The following SGF29 variants were observed in gnomAD, a reference collection of about 807,000 sequenced individuals.
The protein encoded by SGF29 is SAGA-associated factor 29.
Under a neutral mutation model 38.1 loss-of-function variants are expected in SGF29, and 15 were observed. The observed-to-expected ratio is 0.39, with a 90% CI of 0.26 to 0.61. SGF29 has a LOEUF of 0.61. SGF29 is among the 20% of genes least tolerant of loss of function. The pLI is 0.49. For synonymous variants in SGF29, 151 were observed against 160.8 expected (o/e 0.94, Z 0.46); for missense variants, 184 against 394.6 (o/e 0.47, Z 4.52).
chr16:28,569,829 G>T (rs1226950859), intron 1 of SGF29, among the ~76,000 whole-genome samples: 1 of 152,168 alleles, frequency 6.6e-6, no homozygotes, highest in Non-Finnish European at 1.5e-5. Flanking sequence ...AAGGCCCAGG[G>T]TGTTGGGGGC....
Position 28,586,871 on chromosome 16 carries a change from A to G in SGF29, c.224+1151A>G, listed in dbSNP as rs578192330. ...CATTGTGTGATTGATCGATTAAGAC[A>G]GGGTCTCAGTCTGTCATCCAGGCTG... is the stretch of plus-strand genomic sequence containing the variant. On this transcript the variant is annotated intron_variant, in intron 4 of 9. Transcript: ENST00000317058. Among the ~76,000 whole-genome samples the G allele has an allele frequency of 3.3e-5, 5 of 152,290 alleles. No homozygotes were observed. In the East Asian group the frequency reaches 9.6e-4, roughly 29 times the overall value.
rs1410573530 is a variant in SGF29, at chr16:28,584,915, A to G, written c.78A>G (p.Glu26=). ...ELHQLIKQTQ[E]ERSRSEHNLV... ...TCCTGCTGCTCTTTTCCTTACAGGAAGAGCGTTCGCGGAGCGAACACAACT... is the reference window on the plus strand; with the variant it reads ...TCCTGCTGCTCTTTTCCTTACAGGAGGAGCGTTCGCGGAGCGAACACAACT... The change falls in exon 3 of 10, where the codon GAA becomes GAG. Residue 26 remains glutamate (E), a splice_region_variant and synonymous_variant. Coordinates refer to ENST00000317058, the MANE Select transcript of SGF29 (RefSeq NM_138414.3). 3 of 1,613,054 alleles carry G rather than the reference A, an allele frequency of 1.9e-6. No homozygotes were observed. In the South Asian group the frequency reaches 3.3e-5, roughly 18 times the overall value.
chr16:28,585,743 A>G (rs1361578336), intron 4 of SGF29, 23 bp downstream of exon 4: 1 of 1,610,018 alleles, frequency 6.2e-7, no homozygotes, highest in African/African-American at 1.3e-5. Flanking sequence ...CACCCACTTC[A>G]TCGCCGCTCC....
rs1050061735 is a variant in SGF29, at chr16:28,569,019, C to G, written c.-15-12036C>G. ...AGGAGAATCGCTTGAACCTGGGAGGCGAAGTTTGCAGTGAGCCGAGATCAC... is the reference window on the plus strand; with the variant it reads ...AGGAGAATCGCTTGAACCTGGGAGGGGAAGTTTGCAGTGAGCCGAGATCAC... On this transcript the variant is annotated intron_variant, in intron 1 of 9. Transcript: ENST00000317058. Among the ~76,000 whole-genome samples the G allele has an allele frequency of 1.2e-4, 18 of 150,564 alleles. No individual in the cohort carries two copies. In the South Asian group the frequency reaches 3.8e-3, roughly 32 times the overall value.
intron 1 of SGF29, among the ~76,000 whole-genome samples, chr16:28,576,263 G>A (rs1337334221): frequency 1.3e-5 from 2 of 152,184 alleles, no homozygotes; most frequent in Non-Finnish European, 2.9e-5. Flanking sequence ...GGGGAGGGTA[G>A]GAGGAGGGAG....
chr16:28,579,257 C>CTTTTT (rs570774951), intron 1 of SGF29, among the ~76,000 whole-genome samples: 1 of 134,822 alleles, frequency 7.4e-6, no homozygotes, highest in African/African-American at 2.7e-5. Flanking sequence ...TTCTAATTAT[C>CTTTTT]TTTTTTTTTT....
chr16:28,579,349 C>G (rs1265633233), intron 1 of SGF29, among the ~76,000 whole-genome samples: 3 of 150,568 alleles, frequency 2.0e-5, no homozygotes, highest in South Asian at 2.1e-4. Context: ...CCTCCATCTC[C>G]CGGGTTCAAG....
chr16:28,560,476 C>A (rs2046779881), intron 1 of SGF29, among the ~76,000 whole-genome samples: 1 of 150,730 alleles, frequency 6.6e-6, no homozygotes. Context: ...GTAATCCCAG[C>A]TACTCAGGAA....
chr16:28,580,842 G>A (rs1251608844), intron 1 of SGF29, among the ~76,000 whole-genome samples: 6 of 152,174 alleles, frequency 3.9e-5, no homozygotes, highest in East Asian at 1.9e-4. Flanking sequence ...CCACTATGCC[G>A]GGCTAAGTTT....
chr16:28,557,775 G>A (rs1467609402), intron 1 of SGF29, among the ~76,000 whole-genome samples: 2 of 152,094 alleles, frequency 1.3e-5, no homozygotes, highest in African/African-American at 2.4e-5. Context: ...TTGGTGTTGG[G>A]GAGAAATCTC....
At chr16:28,584,046 A>T (rs1190674762) in intron 2 of SGF29, among the ~76,000 whole-genome samples, 1 of 149,822 alleles carries the variant, frequency 6.7e-6, no homozygotes, top group East Asian at 1.9e-4. Context: ...TTTTTTTTTA[A>T]CAGTCTCACT....
chr16:28,587,457 G>A (rs1388701731), intron 4 of SGF29, among the ~76,000 whole-genome samples: 6 of 152,140 alleles, frequency 3.9e-5, no homozygotes, highest in Admixed American at 1.3e-4. Flanking sequence ...CTGGGGTCCC[G>A]GTGCTCACAG....
intron 9 of SGF29, 125 bp downstream of exon 9, chr16:28,591,060 C>A (rs372109536): frequency 1.7e-6 from 2 of 1,204,946 alleles, no homozygotes; most frequent in East Asian, 2.6e-5. Context: ...TGACAGGACC[C>A]ACCAGCTGCC....
intron 1 of SGF29, among the ~76,000 whole-genome samples, chr16:28,578,725 G>A (rs543918667): frequency 6.7e-6 from 1 of 149,376 alleles, no homozygotes; most frequent in Non-Finnish European, 1.5e-5. Flanking sequence ...GGTGGATCAC[G>A]AGGTCAGGAG....
At chr16:28,562,985 A>T (rs1213882054) in intron 1 of SGF29, among the ~76,000 whole-genome samples, 2 of 151,744 alleles carry the variant, frequency 1.3e-5, no homozygotes, top group African/African-American at 4.8e-5. Context: ...TCTTCCACAC[A>T]TAGAAAGCAG....
At chr16:28,574,380 G>T (rs977128848) in intron 1 of SGF29, among the ~76,000 whole-genome samples, 2 of 152,204 alleles carry the variant, frequency 1.3e-5, no homozygotes, top group African/African-American at 2.4e-5. Flanking sequence ...GAAGTTGTAC[G>T]GATGCCCATC....
intron 1 of SGF29, among the ~76,000 whole-genome samples, chr16:28,572,007 T>A (rs917117436): frequency 6.6e-6 from 1 of 152,080 alleles, no homozygotes; most frequent in African/African-American, 2.4e-5. Flanking sequence ...TGAGACGGAG[T>A]CTCGCACTGT....
chr16:28,560,492 G>A (rs1250947632), intron 1 of SGF29, among the ~76,000 whole-genome samples: 2 of 151,262 alleles, frequency 1.3e-5, no homozygotes, highest in African/African-American at 4.9e-5. Context: ...AGGAAGCTGA[G>A]GCAGGAGAAT....
chr16:28,563,974 T>A (rs1222209397), intron 1 of SGF29, among the ~76,000 whole-genome samples: 1 of 152,204 alleles, frequency 6.6e-6, no homozygotes, highest in Non-Finnish European at 1.5e-5. Context: ...CTTGAACTCC[T>A]GACCTCAGGT....
Sources: allele counts gnomAD v4.1 joint callset (sites outside exome capture counted in the v4.1 genomes callset), GRCh38; gene constraint gnomAD v4.1.1; transcripts MANE v1.5; gene names NCBI Gene and HGNC (gene_info 2026-07-23, HGNC 2026-07-21).